The following SLC9A9 variants were observed in gnomAD, a reference collection of about 807,000 sequenced individuals.
SLC9A9 encodes the protein sodium/hydrogen exchanger 9.
In SLC9A9, 62 loss-of-function variants were observed where a neutral mutation model predicts 77.8. The ratio of observed to expected loss-of-function variants is 0.80; its 90% confidence interval spans 0.65 to 0.98. The LOEUF is 0.98. Among genes scored for constraint, SLC9A9 ranks in the 50% least tolerant of loss-of-function variants. The pLI, the probability that SLC9A9 is intolerant of heterozygous loss-of-function variation, is 0.00. For missense variants in SLC9A9, 775 were observed against 774.9 expected, an observed-to-expected ratio of 1.00 and a Z score of 0.00; for synonymous variants, 320 against 283.5, an observed-to-expected ratio of 1.13 and a Z score of -1.29.
chr3:143,545,919 G>C (rs2036781456), intron 9 of SLC9A9, among the ~76,000 whole-genome samples: 1 of 152,216 alleles, frequency 6.6e-6, no homozygotes, highest in Admixed American at 6.5e-5. Flanking sequence ...CTAAGAGAAA[G>C]AACCAGACAC....
At chr3:143,769,148 A>G (rs1301998901) in intron 4 of SLC9A9, among the ~76,000 whole-genome samples, 2 of 152,216 alleles carry the variant, frequency 1.3e-5, no homozygotes, top group Non-Finnish European at 2.9e-5. Flanking sequence ...TATTATAGAT[A>G]GTAAATATTA....
intron 4 of SLC9A9, among the ~76,000 whole-genome samples, chr3:143,698,642 T>C (rs1161346377): frequency 6.6e-6 from 1 of 152,224 alleles, no homozygotes; most frequent in Non-Finnish European, 1.5e-5. Flanking sequence ...TTTGGATGAT[T>C]TAAAAATATA....
At chr3:143,341,243 G>T (rs968649789) in intron 14 of SLC9A9, among the ~76,000 whole-genome samples, 1 of 152,086 alleles carries the variant, frequency 6.6e-6, no homozygotes, top group African/African-American at 2.4e-5. Flanking sequence ...AGTAGTGGGG[G>T]CTTAAGGGGG....
At chr3:143,711,120 CCT>C (rs1393962229) in intron 4 of SLC9A9, among the ~76,000 whole-genome samples, 1 of 152,130 alleles carries the variant, frequency 6.6e-6, no homozygotes, top group African/African-American at 2.4e-5. Context: ...AATTCCTTGC[CCT>C]GATTCTTGGT....
At chr3:143,586,265 G>C (rs1285757054) in intron 6 of SLC9A9, among the ~76,000 whole-genome samples, 2 of 152,174 alleles carry the variant, frequency 1.3e-5, no homozygotes, top group Admixed American at 6.5e-5. Context: ...AAACCATTTA[G>C]CAACTTCTGT....
intron 12 of SLC9A9, among the ~76,000 whole-genome samples, chr3:143,408,532 A>T (rs890019372): frequency 6.6e-6 from 1 of 152,238 alleles, no homozygotes; most frequent in Non-Finnish European, 1.5e-5. Flanking sequence ...AATGGCAGCC[A>T]ATTATTCAAG....
intron 12 of SLC9A9, among the ~76,000 whole-genome samples, chr3:143,400,762 T>G (rs2108511837): frequency 6.6e-6 from 1 of 151,574 alleles, no homozygotes; most frequent in South Asian, 2.1e-4. Flanking sequence ...CTTTTAAAAT[T>G]CTGTGTCAAG....
chr3:143,528,090 C>A (rs181408426), intron 9 of SLC9A9, among the ~76,000 whole-genome samples: 1 of 152,274 alleles, frequency 6.6e-6, no homozygotes, highest in East Asian at 1.9e-4. Context: ...GAACCACTTC[C>A]ATAGGCAGGC....
chr3:143,706,972 G>A (rs1933999062), intron 4 of SLC9A9, among the ~76,000 whole-genome samples: 1 of 152,168 alleles, frequency 6.6e-6, no homozygotes. Flanking sequence ...CAGTCTGAAA[G>A]AGGAGGCTGG....
intron 7 of SLC9A9, among the ~76,000 whole-genome samples, chr3:143,576,542 TC>T (rs1049170660): frequency 7.9e-5 from 12 of 152,088 alleles, no homozygotes; most frequent in African/African-American, 2.9e-4. Context: ...CACAAAATGT[TC>T]CTATCCTTGT....
At chr3:143,596,465 T>C (rs992725834) in intron 6 of SLC9A9, among the ~76,000 whole-genome samples, 6 of 152,200 alleles carry the variant, frequency 3.9e-5, no homozygotes, top group Non-Finnish European at 8.8e-5. Flanking sequence ...TTTGAAGTTT[T>C]ATTATTTCCA....
intron 12 of SLC9A9, among the ~76,000 whole-genome samples, chr3:143,404,794 C>A (rs2033942036): frequency 6.6e-6 from 1 of 152,204 alleles, no homozygotes; most frequent in South Asian, 2.1e-4. Flanking sequence ...CTTGCCTAGA[C>A]AAATTGTTGG....
At chr3:143,809,648 G>A (rs1026584030) in intron 2 of SLC9A9, among the ~76,000 whole-genome samples, 19 of 152,184 alleles carry the variant, frequency 1.2e-4, no homozygotes, top group African/African-American at 3.6e-4. Flanking sequence ...AAATCCAAGC[G>A]AGGGATGGGT....
chr3:143,652,786 C>CAT (rs1460804046), intron 5 of SLC9A9, among the ~76,000 whole-genome samples: 1 of 134,970 alleles, frequency 7.4e-6, no homozygotes, highest in African/African-American at 2.7e-5. Context: ...AATACACACA[C>CAT]ACACACACAC....
At chr3:143,773,869 C>A (rs752140975) in intron 4 of SLC9A9, among the ~76,000 whole-genome samples, 2 of 152,160 alleles carry the variant, frequency 1.3e-5, no homozygotes, top group Non-Finnish European at 2.9e-5. Flanking sequence ...TGGTACAAGC[C>A]ATTTCCAGTG....
At chr3:143,382,193 C>T (rs1409618599) in intron 12 of SLC9A9, 79 bp from the exon 13 acceptor site, 2 of 1,429,332 alleles carry the variant, frequency 1.4e-6, no homozygotes, top group African/African-American at 2.8e-5. Context: ...ATGACCTAAC[C>T]CAAACACAAT....
At chr3:143,600,692 A>G (rs954209013) in intron 6 of SLC9A9, among the ~76,000 whole-genome samples, 15 of 152,234 alleles carry the variant, frequency 9.9e-5, no homozygotes, top group African/African-American at 3.6e-4. Context: ...GTCAGCAACC[A>G]TGGCTAAGGA....
At position 143,748,828 on chromosome 3, in the gene SLC9A9, C is replaced by T. The variant is rs563132884; in HGVS notation, c.533+46173G>A. On this transcript the variant is annotated intron_variant, in intron 4 of 15. Transcript: ENST00000316549. ...ACGCCATTCTCCTGCCTCAGCCTCC[C>T]GAGTAGCTGGGACTACAGGCGCCCG... Among the ~76,000 whole-genome samples the T allele has an allele frequency of 1.6e-3, 238 of 151,616 alleles. 2 individuals carry two copies. Among genetic ancestry groups the T allele is most frequent in the African/African-American group, 5.5e-3 (229 of 41,378 alleles).
At chr3:143,541,127 C>T (rs1385049662) in intron 9 of SLC9A9, among the ~76,000 whole-genome samples, 1 of 152,176 alleles carries the variant, frequency 6.6e-6, no homozygotes, top group Non-Finnish European at 1.5e-5. Context: ...TGCTCATGGT[C>T]CAATTTTACG....
Sources: allele counts gnomAD v4.1 joint callset (sites outside exome capture counted in the v4.1 genomes callset), GRCh38; gene constraint gnomAD v4.1.1; transcripts MANE v1.5; gene names NCBI Gene and HGNC (gene_info 2026-07-23, HGNC 2026-07-21).